PDS5B: variants seen among roughly 807,000 people sequenced by gnomAD.
PDS5B encodes sister chromatid cohesion protein PDS5 homolog B.
Under a neutral mutation model 184.1 loss-of-function variants are expected in PDS5B, and 51 were observed. The observed-to-expected ratio is 0.28, with a 90% confidence interval of 0.22 to 0.35. PDS5B has a LOEUF of 0.35. PDS5B is among the 10% of genes least tolerant of loss of function. PDS5B has a pLI of 1.00. For missense variants in PDS5B, 1,180 were observed against 1,723.3 expected (o/e 0.68, Z 5.58); for synonymous variants, 566 against 569.2 (o/e 0.99, Z 0.08).
rs1323067813 is a variant in PDS5B, at chr13:32,724,520, C to G, written c.2124-7581C>G. On this transcript the variant is annotated intron_variant, in intron 19 of 34. Coordinates refer to ENST00000315596, the MANE Select transcript of PDS5B (RefSeq NM_015032.4). ...CAGGTTGTTTCTCTTGAAGAGTTTC[C>G]CATAGACTGATTTTTGCTAATTTTA... Among the ~76,000 whole-genome samples, 3 of 152,052 alleles carry G rather than the reference C, an allele frequency of 2.0e-5. No homozygotes were observed. In the East Asian group the frequency reaches 5.8e-4, roughly 29 times the overall value.
chr13:32,631,117 TC>T (rs60181555), intron 1 of PDS5B, among the ~76,000 whole-genome samples: 44,737 of 132,764 alleles, frequency 0.34, 8,721 homozygotes, highest in Non-Finnish European at 0.42. Context: ...TTTTTTTCTT[TC>T]TTTTTTTTTT....
chr13:32,723,638 T>C (rs1952796284), intron 19 of PDS5B, among the ~76,000 whole-genome samples: 5 of 152,230 alleles, frequency 3.3e-5, no homozygotes, highest in Admixed American at 3.3e-4. Flanking sequence ...ATAACTATCT[T>C]TAAAAATCTC....
chr13:32,746,230 T>C, intron 24 of PDS5B, 130 bp downstream of exon 24: 1 of 747,106 alleles, frequency 1.3e-6, no homozygotes. Flanking sequence ...AATTTATGCA[T>C]GAGAAACATT....
intron 1 of PDS5B, among the ~76,000 whole-genome samples, chr13:32,606,213 C>G (rs1292459615): frequency 6.6e-6 from 1 of 152,156 alleles, no homozygotes; most frequent in Non-Finnish European, 1.5e-5. Flanking sequence ...ACTGGTTGTT[C>G]CTTTCCAGAT....
chr13:32,756,352 C>T (rs1469498952), intron 26 of PDS5B, among the ~76,000 whole-genome samples: 1 of 152,148 alleles, frequency 6.6e-6, no homozygotes, highest in Non-Finnish European at 1.5e-5. Context: ...TAACTATCTT[C>T]CTCTGTAGAA....
intron 1 of PDS5B, among the ~76,000 whole-genome samples, chr13:32,634,971 TCAC>T (rs2058517265): frequency 6.6e-6 from 1 of 151,750 alleles, no homozygotes; most frequent in African/African-American, 2.4e-5. Flanking sequence ...TCCAGTTTCT[TCAC>T]AACCTCAGCA....
chr13:32,681,439 A>G (rs1414475254), intron 10 of PDS5B, among the ~76,000 whole-genome samples: 1 of 152,124 alleles, frequency 6.6e-6, no homozygotes, highest in East Asian at 1.9e-4. Flanking sequence ...CCCAGCCAAC[A>G]TGGTGAAACC....
At chr13:32,725,881 T>C (rs918413017) in intron 19 of PDS5B, among the ~76,000 whole-genome samples, 16 of 152,288 alleles carry the variant, frequency 1.1e-4, no homozygotes, top group African/African-American at 3.6e-4. Flanking sequence ...TTATTTAGCA[T>C]GTATCATATT....
chr13:32,590,787 T>G (rs2057762152), intron 1 of PDS5B, among the ~76,000 whole-genome samples: 1 of 152,160 alleles, frequency 6.6e-6, no homozygotes, highest in African/African-American at 2.4e-5. Flanking sequence ...CAGTTAGCTT[T>G]CAGATATGGG....
At chr13:32,705,602 G>A (rs942920701) in intron 17 of PDS5B, among the ~76,000 whole-genome samples, 10 of 151,852 alleles carry the variant, frequency 6.6e-5, no homozygotes, top group Admixed American at 1.3e-4. Flanking sequence ...TGTCTCTGGT[G>A]GTGTTTTTTA....
intron 30 of PDS5B, 80 bp downstream of exon 30, chr13:32,760,800 T>G: frequency 7.6e-7 from 1 of 1,321,248 alleles, no homozygotes. Context: ...TAATCCAAAA[T>G]GTTTCATGTC....
chr13:32,627,528 G>T (rs992012535), intron 1 of PDS5B, among the ~76,000 whole-genome samples: 2 of 151,962 alleles, frequency 1.3e-5, no homozygotes, highest in Non-Finnish European at 2.9e-5. Flanking sequence ...TTGCAAGGGG[G>T]TTGAAAAGAA....
intron 19 of PDS5B, among the ~76,000 whole-genome samples, chr13:32,730,784 G>A (rs1332430238): frequency 6.6e-6 from 1 of 152,106 alleles, no homozygotes; most frequent in African/African-American, 2.4e-5. Context: ...TGTGATTTTT[G>A]CACATTGATT....
At chr13:32,650,838 G>C (rs891607585) in intron 2 of PDS5B, among the ~76,000 whole-genome samples, 3 of 152,184 alleles carry the variant, frequency 2.0e-5, no homozygotes, top group Non-Finnish European at 4.4e-5. Context: ...CTAGCTGGAT[G>C]GCAAGTGGAA....
intron 1 of PDS5B, among the ~76,000 whole-genome samples, chr13:32,625,838 CTTTT>C (rs67536326): frequency 3.8e-5 from 5 of 131,370 alleles, no homozygotes; most frequent in Admixed American, 7.6e-5. Context: ...GACCAGTATT[CTTTT>C]TTTTTTTTTT....
intron 19 of PDS5B, among the ~76,000 whole-genome samples, chr13:32,716,515 G>A (rs1290052637): frequency 1.7e-4 from 26 of 151,408 alleles, no homozygotes; most frequent in African/African-American, 5.1e-4. Flanking sequence ...CAGCCACCCC[G>A]TCTGGGAAGT....
At chr13:32,646,662 CT>C (rs1282161692) in intron 1 of PDS5B, among the ~76,000 whole-genome samples, 1 of 151,414 alleles carries the variant, frequency 6.6e-6, no homozygotes, top group Non-Finnish European at 1.5e-5. Flanking sequence ...CATGTATCCA[CT>C]TTTTTCATTG....
intron 1 of PDS5B, among the ~76,000 whole-genome samples, chr13:32,605,906 T>TC (rs2058052903): frequency 6.6e-5 from 9 of 136,824 alleles, no homozygotes; most frequent in Non-Finnish European, 1.3e-4. Context: ...TTTTTTTTTT[T>TC]TCCCATTTGC....
At chr13:32,696,028 T>C (rs986598210) in intron 14 of PDS5B, among the ~76,000 whole-genome samples, 5 of 152,094 alleles carry the variant, frequency 3.3e-5, no homozygotes, top group Non-Finnish European at 7.4e-5. Context: ...ACAATAGAAA[T>C]CTTACATGTT....
Sources: allele counts gnomAD v4.1 joint callset (sites outside exome capture counted in the v4.1 genomes callset), GRCh38; gene constraint gnomAD v4.1.1; transcripts MANE v1.5; gene names NCBI Gene and HGNC (gene_info 2026-07-23, HGNC 2026-07-21).